Variants in MTHFSD observed in about 807,000 individuals in gnomAD.
MTHFSD encodes methenyltetrahydrofolate synthetase domain containing.
A neutral mutation model predicts 31.1 loss-of-function variants in MTHFSD; 37 were observed. The observed-to-expected ratio is 1.19, with a 90% CI of 0.91 to 1.56. The LOEUF is 1.56. Among genes scored for constraint, MTHFSD ranks in the 40% most tolerant of loss-of-function variants. The probability of loss-of-function intolerance (pLI) is 0.00; values close to 1 mark genes in which losing one functional copy is unlikely to be tolerated. For synonymous variants in MTHFSD, 221 were observed against 206.9 expected, an observed-to-expected ratio of 1.07 and a Z score of -0.59; for missense variants, 664 against 510.1, an observed-to-expected ratio of 1.30 and a Z score of -2.91.
At chr16:86,543,510 T>A (rs1971821946) in intron 5 of MTHFSD, among the ~76,000 whole-genome samples, 2 of 152,154 alleles carry the variant, frequency 1.3e-5, no homozygotes, top group African/African-American at 4.8e-5. Flanking sequence ...TATGCATCCA[T>A]CGGCGGGGGT....
intron 7 of MTHFSD, chr16:86,535,591 AT>A: frequency 1.3e-6 from 1 of 753,530 alleles, no homozygotes; most frequent in Non-Finnish European, 1.6e-6. Context: ...AACTAATTCT[AT>A]TCTAAAAAAA....
At position 86,548,479 on chromosome 16, in the gene MTHFSD, T is replaced by C; in HGVS notation, c.336A>G (p.Lys112=). Residue 112 remains lysine (K), a synonymous_variant, in exon 4 of 8, where the codon AAA becomes AAG. Coordinates refer to ENST00000360900, the MANE Select transcript of MTHFSD (RefSeq NM_001159377.2). The stretch of plus-strand genomic sequence containing the variant: ...TGGTACTTACCTGAGAGGTGGCACA[T>C]TTTCTCAAGATGTCTTTAGTTGCCC... ...PPGATKDILR[K]CATSQGVRNY... 2 of 1,613,686 alleles carry C rather than the reference T, an allele frequency of 1.2e-6. No homozygotes were observed. The highest frequency in any genetic ancestry group is 1.7e-6 in the Non-Finnish European group (2 of 1,179,790).
rs577256742 is a variant in MTHFSD, at chr16:86,552,012, G to A, written c.237+21C>T. ...CCCCTTGGCGGCCAGGTCTCGGCTC[G>A]GCTCAGGGAAGTGGAATTACCTGCA... On this transcript the variant is annotated intron_variant, in intron 3 of 7. Coordinates refer to ENST00000360900, the MANE Select transcript of MTHFSD (RefSeq NM_001159377.2). 2.9e-5 allele frequency: 46 copies of A among 1,613,778 alleles called. No individual in the cohort carries two copies. The East Asian group carries it at 3.3e-4, about 12-fold the overall frequency.
rs1255376977 is a variant in MTHFSD at position 86,542,118 on chromosome 16, T to C, written c.538A>G (p.Ile180Val). The C allele has an allele frequency of 1.2e-5, 20 of 1,613,486 alleles. No individual in the cohort carries two copies. Among genetic ancestry groups the C allele is most frequent in the Non-Finnish European group, 1.5e-5 (18 of 1,179,948 alleles). ...AVSKETPVVT[I>V]VHDCQVVDIP... ...AGGAGCACCTGGCAGTCGTGGACGATGGTGACCACCGGCGTCTCCTTGCTG... is the reference window on the plus strand; with the variant it reads ...AGGAGCACCTGGCAGTCGTGGACGACGGTGACCACCGGCGTCTCCTTGCTG... The change falls in exon 6 of 8, where the codon ATC (isoleucine) becomes GTC (valine). Residue 180 changes from isoleucine to valine, a missense_variant. Transcript: ENST00000360900. This position sits in a 1 kb window ranked among gnomAD's most constrained non-coding sequence, Gnocchi z 4.6.
chr16:86,541,940 G>A, intron 6 of MTHFSD, 118 bp from the exon 7 acceptor site: 1 of 1,455,550 alleles, frequency 6.9e-7, no homozygotes, highest in East Asian at 2.3e-5. Flanking sequence ...TCCACTCTGG[G>A]GCTAAGGCTT....
chr16:86,548,431 T>C (rs1567550545), intron 4 of MTHFSD, 33 bp downstream of exon 4: 1 of 1,547,246 alleles, frequency 6.5e-7, no homozygotes, highest in Middle Eastern at 1.7e-4. Flanking sequence ...GTACAGTTCT[T>C]TCCTAGGTGG....
Position 86,548,499 on chromosome 16 carries a change from T to C in MTHFSD, c.316A>G (p.Thr106Ala). 1 of 1,613,984 alleles carries C rather than the reference T, an allele frequency of 6.2e-7. No homozygotes were observed. ...GCACATTTTCTCAAGATGTCTTTAG[T>C]TGCCCCAGGGGGTGGTGTGATCTTA... ...FNKITPPPGATKDILRKCATS... is the reference protein window; with the variant it reads ...FNKITPPPGAAKDILRKCATS... The change falls in exon 4 of 8, where the codon ACT (threonine) becomes GCT (alanine). Residue 106 changes from threonine to alanine, a missense_variant. Transcript: ENST00000360900.
rs750496527 is a variant in MTHFSD at position 86,546,618 on chromosome 16, A to C, written c.383T>G (p.Leu128Trp). The C allele has an allele frequency of 1.9e-6, 3 of 1,613,870 alleles. No homozygotes were observed. The highest frequency in any genetic ancestry group is 2.5e-6 in the Non-Finnish European group (3 of 1,180,020). ...GVRNYSVPIG[L>W]DSRVLVDLVV... Reference sequence around the variant, plus strand: ...TAAATCCACGAGGACTCTGGAGTCCAAGCCTATGGGGACACTGTAGTTCCT... The same window carrying C: ...TAAATCCACGAGGACTCTGGAGTCCCAGCCTATGGGGACACTGTAGTTCCT... Residue 128 changes from leucine to tryptophan, a missense_variant, in exon 5 of 8, where the codon TTG becomes TGG. Coordinates refer to ENST00000360900, the MANE Select transcript of MTHFSD (RefSeq NM_001159377.2).
At chr16:86,535,911 A>G (rs1970628085) in intron 7 of MTHFSD, among the ~76,000 whole-genome samples, 1 of 152,132 alleles carries the variant, frequency 6.6e-6, no homozygotes, top group Admixed American at 6.5e-5. Context: ...GTACAGTGGC[A>G]CAACTCATAG....
chr16:86,536,737 C>A (rs1176620286), intron 7 of MTHFSD, among the ~76,000 whole-genome samples: 1 of 152,274 alleles, frequency 6.6e-6, no homozygotes, highest in South Asian at 2.1e-4. Context: ...TCCATCTGCA[C>A]GCCTTGGCTC....
chr16:86,552,277 C>G, intron 2 of MTHFSD, 131 bp from the exon 3 acceptor site: 1 of 1,589,228 alleles, frequency 6.3e-7, no homozygotes, highest in Non-Finnish European at 8.6e-7. Flanking sequence ...AGTTGCTCGG[C>G]AGCATGAGAA....
intron 7 of MTHFSD, chr16:86,533,577 G>GT (rs1970265969): frequency 1.3e-5 from 2 of 152,178 alleles, no homozygotes; most frequent in Admixed American, 1.3e-4. Flanking sequence ...AGATGAAATA[G>GT]TTCAACTAGT....
intron 7 of MTHFSD, among the ~76,000 whole-genome samples, chr16:86,539,624 G>A (rs932305923): frequency 1.6e-4 from 24 of 152,196 alleles, no homozygotes; most frequent in Admixed American, 1.5e-3. Flanking sequence ...TTAAAATCAT[G>A]AGACACAAGC....
At position 86,546,606 on chromosome 16, in the gene MTHFSD, A is replaced by G; in HGVS notation, c.395T>C (p.Val132Ala). The G allele has an allele frequency of 6.2e-7, 1 of 1,613,818 alleles. No individual in the cohort carries two copies. Among genetic ancestry groups the G allele is most frequent in the Non-Finnish European group, 8.5e-7 (1 of 1,180,000 alleles). ...YSVPIGLDSR[V>A]LVDLVVVGSV... ...TCCCACCACAACTAAATCCACGAGG[A>G]CTCTGGAGTCCAAGCCTATGGGGAC... Residue 132 changes from valine to alanine, a missense_variant, in exon 5 of 8, where the codon GTC becomes GCC. Transcript: ENST00000360900.
chr16:86,531,937 G>A lies in MTHFSD; in HGVS notation c.*74C>T, dbSNP rs1012938706. On this transcript the variant is annotated 3_prime_UTR_variant, in exon 8 of 8. Transcript: ENST00000360900. This position sits in a 1 kb window ranked among gnomAD's most constrained non-coding sequence, Gnocchi z 5.5. Reference sequence around the variant, plus strand: ...ACACGTCTTGCCACGCAGGCCTCTCGAGTGCCATCGGAACCGGAGCGGCAG... The same window carrying A: ...ACACGTCTTGCCACGCAGGCCTCTCAAGTGCCATCGGAACCGGAGCGGCAG... 1.4e-5 allele frequency: 15 copies of A among 1,072,562 alleles called. No homozygotes were observed. The highest frequency in any genetic ancestry group is 6.6e-5 in the African/African-American group (4 of 60,808). The allele number at this position is 1,072,562 out of a possible 1,614,324, so 66.4% of individuals were successfully genotyped here.
At position 86,548,449 on chromosome 16, in the gene MTHFSD, G is replaced by T. The variant is rs373599281; in HGVS notation, c.351+15C>A. ...CAGTTCTTTCCTAGGTGGGGACATT[G>T]CTTCTGGTACTTACCTGAGAGGTGG... On this transcript the variant is annotated intron_variant, in intron 4 of 7. Transcript: ENST00000360900. 71 of 1,599,670 alleles carry T rather than the reference G, an allele frequency of 4.4e-5. 3 individuals are homozygous for T. The South Asian group carries it at 7.9e-4, about 18-fold the overall frequency.
chr16:86,535,609 A>G lies in MTHFSD; in HGVS notation c.682-3128T>C, dbSNP rs1222661848. ...TAATTCTATTCTAAAAAAAAAAAAT[A>G]GAATAAACTTTAAGTTTAAAAACCT... On this transcript the variant is annotated intron_variant, in intron 7 of 7. Coordinates refer to ENST00000360900, the MANE Select transcript of MTHFSD (RefSeq NM_001159377.2). 3 of 634,786 alleles carry G rather than the reference A, an allele frequency of 4.7e-6. No individual in the cohort carries two copies. In the African/African-American group the frequency reaches 6.2e-5, roughly 13 times the overall value. The allele number at this position is 634,786 out of a possible 1,614,324, so 39.3% of individuals were successfully genotyped here. A position where few individuals can be genotyped will look rare whatever the true frequency, so the allele number is the denominator to read the frequency against.
intron 3 of MTHFSD, 86 bp from the exon 4 acceptor site, chr16:86,548,663 A>C (rs1972682861): frequency 9.4e-7 from 1 of 1,064,464 alleles, no homozygotes; most frequent in Admixed American, 2.7e-5. Context: ...TTTCAGGAGA[A>C]GAGGCAAATT....
At chr16:86,552,894 G>T (rs575194207) in intron 2 of MTHFSD, among the ~76,000 whole-genome samples, 1 of 152,302 alleles carries the variant, frequency 6.6e-6, no homozygotes, top group South Asian at 2.1e-4. Context: ...AAGTCCTTCA[G>T]GGCAGAGAGC....
Sources: gnomAD v4.1 joint callset for allele counts (sites outside exome capture counted in the v4.1 genomes callset) on GRCh38, gnomAD v4.1.1 for gene constraint, Gnocchi (gnomAD v3.1) non-coding constraint, MANE v1.5 for transcripts, NCBI Gene and HGNC (gene_info 2026-07-23, HGNC 2026-07-21) for gene names.